The following CPN1 variants were observed in gnomAD, a reference collection of about 807,000 sequenced individuals.
CPN1 encodes carboxypeptidase N catalytic chain.
CPN1 carries 37 observed loss-of-function variants against 46.4 expected under a neutral mutation model. That is an observed-to-expected ratio of 0.80 (90% CI 0.61 to 1.05). The LOEUF is 1.05. Among genes scored for constraint, CPN1 ranks in the 50% least tolerant of loss-of-function variants. The pLI, the probability that CPN1 is intolerant of heterozygous loss-of-function variation, is 0.00. For missense variants in CPN1, 563 were observed against 602.6 expected (o/e 0.93, Z 0.69); for synonymous variants, 224 against 235.4 (o/e 0.95, Z 0.44).
intron 7 of CPN1, among the ~76,000 whole-genome samples, chr10:100,050,081 G>A (rs945895717): frequency 2.6e-5 from 4 of 152,098 alleles, no homozygotes; most frequent in East Asian, 3.9e-4. Flanking sequence ...GGCCAGGTGC[G>A]GTGGCTCATG....
intron 5 of CPN1, among the ~76,000 whole-genome samples, chr10:100,060,052 G>T (rs1184846864): frequency 2.6e-5 from 4 of 152,118 alleles, no homozygotes; most frequent in Non-Finnish European, 5.9e-5. Flanking sequence ...AAATCATAAA[G>T]ACAAAAAGTA....
chr10:100,069,567 A>C, intron 3 of CPN1, 147 bp downstream of exon 3: 1 of 932,846 alleles, frequency 1.1e-6, no homozygotes, highest in South Asian at 1.3e-5. Context: ...GAAGAAATAT[A>C]TATTATTGCT....
intron 8 of CPN1, among the ~76,000 whole-genome samples, chr10:100,043,984 G>A (rs2041294052): frequency 6.6e-6 from 1 of 152,138 alleles, no homozygotes; most frequent in African/African-American, 2.4e-5. Flanking sequence ...GAAGGAGAGG[G>A]AGTGGCACAG....
intron 2 of CPN1, among the ~76,000 whole-genome samples, chr10:100,072,236 C>A (rs1025088501): frequency 6.6e-6 from 1 of 152,126 alleles, no homozygotes; most frequent in South Asian, 2.1e-4. Context: ...AGTATAACAG[C>A]ATGATCATGG....
intron 8 of CPN1, among the ~76,000 whole-genome samples, chr10:100,044,565 A>G (rs2041297114): frequency 1.3e-5 from 2 of 151,820 alleles, no homozygotes; most frequent in South Asian, 4.2e-4. Context: ...TTGTAGAGAT[A>G]TGATTTCGCC....
chr10:100,045,728 C>G (rs923618717), intron 8 of CPN1, among the ~76,000 whole-genome samples: 1 of 152,210 alleles, frequency 6.6e-6, no homozygotes, highest in African/African-American at 2.4e-5. Flanking sequence ...TTGCATCTAC[C>G]TCACAGGGTT....
At chr10:100,056,610 A>G (rs1015283478) in intron 6 of CPN1, among the ~76,000 whole-genome samples, 1 of 151,982 alleles carries the variant, frequency 6.6e-6, no homozygotes, top group African/African-American at 2.4e-5. Context: ...CAATGGCATG[A>G]TCACAGCACA....
chr10:100,064,888 C>G (rs943855464), intron 4 of CPN1, among the ~76,000 whole-genome samples: 2 of 152,022 alleles, frequency 1.3e-5, no homozygotes, highest in Admixed American at 1.3e-4. Context: ...CCCAAAAATT[C>G]ACATTTAATG....
intron 1 of CPN1, among the ~76,000 whole-genome samples, chr10:100,078,216 T>A (rs2041526330): frequency 6.6e-6 from 1 of 152,038 alleles, no homozygotes; most frequent in Admixed American, 6.6e-5. Flanking sequence ...CGAGGCTAAT[T>A]TTCTAAAAAA....
intron 8 of CPN1, 106 bp from the exon 9 acceptor site, chr10:100,042,679 C>G (rs1258861442): frequency 3.5e-5 from 49 of 1,386,076 alleles, no homozygotes; most frequent in Non-Finnish European, 4.6e-5. Flanking sequence ...AGCAGTGACC[C>G]AGAGAAGCAC....
At chr10:100,043,184 T>C (rs2041288573) in intron 8 of CPN1, among the ~76,000 whole-genome samples, 1 of 150,460 alleles carries the variant, frequency 6.6e-6, no homozygotes, top group African/African-American at 2.4e-5. Flanking sequence ...TCACTTGAGA[T>C]CAGGAGTTAG....
intron 8 of CPN1, among the ~76,000 whole-genome samples, chr10:100,045,545 T>C (rs2133423452): frequency 6.6e-6 from 1 of 152,350 alleles, no homozygotes; most frequent in East Asian, 1.9e-4. Flanking sequence ...CTGATCCTTG[T>C]GTTACAATAA....
At chr10:100,054,519 C>A (rs1171576132) in intron 6 of CPN1, 73 bp from the exon 7 acceptor site, 6 of 1,237,258 alleles carry the variant, frequency 4.8e-6, no homozygotes, top group African/African-American at 4.4e-5. Context: ...AGTCTCAAAG[C>A]CCTTTCTCTT....
In CPN1 at chr10:100,042,410, G is replaced by A; in HGVS notation, c.*17C>T. 2 of 1,612,572 alleles carry A rather than the reference G, an allele frequency of 1.2e-6. No homozygotes were observed. Among genetic ancestry groups the A allele is most frequent in the Non-Finnish European group, 1.7e-6 (2 of 1,179,946 alleles). ...AGGAGCAAAGCCTTTCTGAAGGGTT[G>A]CCTGGCACTGTGGGTTTCAGGCAGG... is the stretch of plus-strand genomic sequence containing the variant. On this transcript the variant is annotated 3_prime_UTR_variant, in exon 9 of 9. Transcript: ENST00000370418.
intron 8 of CPN1, among the ~76,000 whole-genome samples, chr10:100,043,333 T>A (rs75848166): frequency 0.014 from 2,191 of 151,504 alleles, 54 homozygotes; most frequent in African/African-American, 0.051. Flanking sequence ...AGGCAGAGGT[T>A]ACAGAGAGCC....
At chr10:100,067,239 C>A (rs2041459205) in intron 3 of CPN1, among the ~76,000 whole-genome samples, 1 of 152,090 alleles carries the variant, frequency 6.6e-6, no homozygotes, top group South Asian at 2.1e-4. Context: ...GCTTCAGCCT[C>A]CCAAGTAGCT....
chr10:100,045,637 G>T (rs1327300202), intron 8 of CPN1, among the ~76,000 whole-genome samples: 2 of 152,160 alleles, frequency 1.3e-5, no homozygotes, highest in African/African-American at 4.8e-5. Context: ...CCTGATATAG[G>T]TTCGAATCCT....
intron 5 of CPN1, among the ~76,000 whole-genome samples, chr10:100,063,401 G>T (rs561953817): frequency 6.6e-6 from 1 of 152,118 alleles, no homozygotes; most frequent in Non-Finnish European, 1.5e-5. Flanking sequence ...GATAACAGGC[G>T]TGAGCCACTG....
intron 2 of CPN1, among the ~76,000 whole-genome samples, chr10:100,072,285 C>A (rs2041490279): frequency 6.6e-6 from 1 of 152,142 alleles, no homozygotes; most frequent in Non-Finnish European, 1.5e-5. Flanking sequence ...AGGTGATCCT[C>A]CCACCTCAGC....
Sources: allele counts gnomAD v4.1 joint callset (sites outside exome capture counted in the v4.1 genomes callset), GRCh38; gene constraint gnomAD v4.1.1; transcripts MANE v1.5; gene names NCBI Gene and HGNC (gene_info 2026-07-23, HGNC 2026-07-21).